The following CUX1 variants were observed in gnomAD, a reference collection of about 807,000 sequenced individuals.
The protein encoded by CUX1 is cut like homeobox 1.
CUX1 carries 31 observed loss-of-function variants against 158.8 expected under a neutral mutation model. The ratio of observed to expected loss-of-function variants is 0.20; its 90% CI spans 0.15 to 0.26. The LOEUF is 0.26. CUX1 is among the 10% of genes least tolerant of loss of function. CUX1 has a pLI of 1.00. For missense variants in CUX1, 1,589 were observed against 2,014.6 expected (o/e 0.79, Z 4.04); for synonymous variants, 879 against 862.1 (o/e 1.02, Z -0.34).
At chr7:102,065,332 A>T (rs1825423483) in intron 3 of CUX1, among the ~76,000 whole-genome samples, 1 of 152,084 alleles carries the variant, frequency 6.6e-6, no homozygotes, top group African/African-American at 2.4e-5. Flanking sequence ...CTCCCACCTC[A>T]GTTTCCCAAA....
intron 12 of CUX1, among the ~76,000 whole-genome samples, chr7:102,190,666 C>T (rs1330978797): frequency 1.1e-4 from 16 of 152,214 alleles, no homozygotes; most frequent in Non-Finnish European, 1.9e-4. Flanking sequence ...TGACCAGCCC[C>T]ACAGGTCCCC....
In CUX1 at chr7:102,202,124, G is replaced by A; in HGVS notation, c.2827G>A (p.Val943Met). The A allele has an allele frequency of 6.2e-7, 1 of 1,614,162 alleles. No homozygotes were observed. Among genetic ancestry groups the A allele is most frequent in the Non-Finnish European group, 8.5e-7 (1 of 1,180,014 alleles). ...EQYEVYMYQE[V>M]DTIELTRQVK... The stretch of plus-strand genomic sequence containing the variant: ...GTACGAGGTCTACATGTACCAGGAG[G>A]TGGACACCATCGAGCTCACCCGGCA... Residue 943 changes from valine (V) to methionine (M), a missense_variant, in exon 18 of 24, where the codon GTG becomes ATG. Val to Met is a conservative substitution (Grantham distance 21). Coordinates refer to ENST00000292535, the MANE Select transcript of CUX1 (RefSeq NM_181552.4).
At chr7:102,087,029 T>G (rs366345) in intron 4 of CUX1, among the ~76,000 whole-genome samples, 24,694 of 152,160 alleles carry the variant, frequency 0.16, 2,135 homozygotes, top group Non-Finnish European at 0.18. Flanking sequence ...TGTCTGTATC[T>G]TTATGTTTAA....
chr7:102,057,355 T>C (rs1256438416), intron 3 of CUX1, among the ~76,000 whole-genome samples: 1 of 152,158 alleles, frequency 6.6e-6, no homozygotes, highest in Admixed American at 6.6e-5. Context: ...GACACTCAAG[T>C]CTTATTTTTT....
chr7:101,993,521 A>G (rs1387769261), intron 2 of CUX1, among the ~76,000 whole-genome samples: 2 of 152,160 alleles, frequency 1.3e-5, no homozygotes, highest in Admixed American at 6.5e-5. Context: ...TTCATTTCAT[A>G]GTATGTCGGA....
At chr7:101,846,689 C>T (rs953396455) in intron 1 of CUX1, among the ~76,000 whole-genome samples, 1 of 152,098 alleles carries the variant, frequency 6.6e-6, no homozygotes, top group African/African-American at 2.4e-5. Flanking sequence ...GGTGCTAATA[C>T]ATTAAAACAG....
At chr7:102,279,752 C>T (rs1791912621) in intron 18 of CUX1, among the ~76,000 whole-genome samples, 1 of 152,224 alleles carries the variant, frequency 6.6e-6, no homozygotes, top group South Asian at 2.1e-4. Flanking sequence ...AGCAAACCCA[C>T]CTTCCTGCAG....
At chr7:102,274,048 A>G in intron 15 of CUX1, 1 of 575,054 alleles carries the variant, frequency 1.7e-6, no homozygotes, top group Non-Finnish European at 3.2e-6. Flanking sequence ...GGAGTGACTC[A>G]GGGCCCAGCC....
At chr7:102,164,962 C>T (rs190176925) in intron 9 of CUX1, among the ~76,000 whole-genome samples, 81 of 152,188 alleles carry the variant, frequency 5.3e-4, no homozygotes, top group Non-Finnish European at 1.0e-4. Flanking sequence ...CCAGGGACTT[C>T]AAAGGCCACA....
rs782186777 is a variant in CUX1 at position 102,202,083 on chromosome 7, C to G, written c.2786C>G (p.Pro929Arg). The G allele has an allele frequency of 6.2e-7, 1 of 1,614,122 alleles. No homozygotes were observed. Among genetic ancestry groups the G allele is most frequent in the Non-Finnish European group, 8.5e-7 (1 of 1,180,024 alleles). The change falls in exon 18 of 24, where the codon CCG becomes CGG. Residue 929 changes from proline (P) to arginine (R), a missense_variant. Physicochemically the swap from Pro to Arg is moderately radical, Grantham distance 103. This residue lies in a region of CUX1 where 337 missense variants were observed against 409.3 expected (regional missense o/e 0.82). Transcript: ENST00000292535. ...MSKPTKPSVP[P>R]LTPEQYEVYM... ...AAGCCCACCAAGCCCTCGGTCCCCC[C>G]GCTGACCCCCGAGCAGTACGAGGTC... is the stretch of plus-strand genomic sequence containing the variant.
rs1803083458 is a variant in CUX1 at position 101,908,959 on chromosome 7, T to C, written c.31-7156T>C. Among the ~76,000 whole-genome samples the C allele has an allele frequency of 2.0e-5, 3 of 152,160 alleles. No homozygotes were observed. The South Asian group carries it at 6.2e-4, about 32-fold the overall frequency. On this transcript the variant is annotated intron_variant, in intron 1 of 23. Transcript: ENST00000292535. ...TGTGAGCTACCACACCCAGCCCACATACACTTTAAAGATGAGCAAATCCAG... is the reference window on the plus strand; with the variant it reads ...TGTGAGCTACCACACCCAGCCCACACACACTTTAAAGATGAGCAAATCCAG...
intron 1 of CUX1, among the ~76,000 whole-genome samples, chr7:101,859,608 T>C (rs922922177): frequency 6.9e-4 from 105 of 152,204 alleles, no homozygotes; most frequent in African/African-American, 2.1e-3. Flanking sequence ...ATCAGAACGT[T>C]TGGAAATACC....
intron 1 of CUX1, among the ~76,000 whole-genome samples, chr7:101,873,651 T>G (rs1351420565): frequency 6.6e-6 from 1 of 152,216 alleles, no homozygotes; most frequent in African/African-American, 2.4e-5. Flanking sequence ...TGGCACGATC[T>G]TGGCTCACTG....
chr7:102,248,280 T>C lies in CUX1; in HGVS notation c.3888-132T>C. Reference sequence around the variant, plus strand: ...GGCTGCCCCGTGGCCCGAGGGTCGCTGGAGGGGCACGGAGGGGCCTCCAGG... The same window carrying C: ...GGCTGCCCCGTGGCCCGAGGGTCGCCGGAGGGGCACGGAGGGGCCTCCAGG... On this transcript the variant is annotated intron_variant, in intron 23 of 23. Transcript: ENST00000292535. This position sits in a 1 kb window ranked among gnomAD's most constrained non-coding sequence, Gnocchi z 5.8. 1 of 814,602 alleles carries C rather than the reference T, an allele frequency of 1.2e-6. No individual in the cohort carries two copies. Among genetic ancestry groups the C allele is most frequent in the East Asian group, 3.3e-5 (1 of 30,688 alleles). 50.5% of individuals were successfully genotyped at this position (814,602 alleles called of 1,614,324 possible).
chr7:102,241,438 G>T (rs538019113), intron 23 of CUX1, among the ~76,000 whole-genome samples: 3 of 152,114 alleles, frequency 2.0e-5, no homozygotes, highest in Non-Finnish European at 4.4e-5. Context: ...GTCACCCTAC[G>T]TAGGTCTAGC....
In CUX1 at chr7:102,170,464, A is replaced by G; in HGVS notation, c.742A>G (p.Arg248Gly). 1 of 1,588,460 alleles carries G rather than the reference A, an allele frequency of 6.3e-7. No homozygotes were observed. The highest frequency in any genetic ancestry group is 8.6e-7 in the Non-Finnish European group (1 of 1,166,900). ...CCTTCAGAGGGCAGAGGTGGCTCAG[A>G]GAGAGGCGGAGACCTTAAGGGAACA... is the stretch of plus-strand genomic sequence containing the variant. ...RANQRAEVAQ[R>G]EAETLREQLS... The change falls in exon 10 of 24, where the codon AGA becomes GGA. Residue 248 changes from arginine to glycine, a missense_variant. Physicochemically the swap from Arg to Gly is moderately radical, Grantham distance 125. Around this residue, in one of 8 missense-constraint regions of CUX1, gnomAD observed 515 missense variants for 574.4 expected, o/e 0.90. Coordinates refer to ENST00000292535, the MANE Select transcript of CUX1 (RefSeq NM_181552.4).
intron 4 of CUX1, among the ~76,000 whole-genome samples, chr7:102,080,165 TC>T (rs1165878294): frequency 3.3e-5 from 5 of 151,962 alleles, no homozygotes; most frequent in East Asian, 1.9e-4. Flanking sequence ...CCATCCATCC[TC>T]CCCCGGTCCC....
chr7:102,069,892 C>T (rs1244973687), intron 3 of CUX1, among the ~76,000 whole-genome samples: 4 of 152,220 alleles, frequency 2.6e-5, no homozygotes, highest in African/African-American at 9.6e-5. Flanking sequence ...CTGAAGTTCC[C>T]TTCTGCATGT....
At chr7:101,894,618 G>A (rs570106658) in intron 1 of CUX1, among the ~76,000 whole-genome samples, 146 of 152,282 alleles carry the variant, frequency 9.6e-4, no homozygotes, top group African/African-American at 3.3e-3. Flanking sequence ...GGCCTATGGC[G>A]CAGGTTTTAA....
Sources: allele counts gnomAD v4.1 joint callset (sites outside exome capture counted in the v4.1 genomes callset), GRCh38; gene constraint gnomAD v4.1.1; regional missense constraint gnomAD v4.1.1; non-coding constraint Gnocchi (gnomAD v3.1); transcripts MANE v1.5; gene names NCBI Gene and HGNC (gene_info 2026-07-23, HGNC 2026-07-21).